SMAD2: variants seen among roughly 807,000 people sequenced by gnomAD.
SMAD2 encodes SMAD family member 2.
SMAD2 carries 8 observed loss-of-function variants against 64.4 expected under a neutral mutation model. The ratio of observed to expected loss-of-function variants is 0.12; its 90% CI spans 0.07 to 0.22. The LOEUF is 0.22. Among genes scored for constraint, SMAD2 ranks in the 10% least tolerant of loss-of-function variants. The probability of loss-of-function intolerance (pLI) is 1.00; values close to 1 mark genes in which losing one functional copy is unlikely to be tolerated. For missense variants in SMAD2, 289 were observed against 561.2 expected, an observed-to-expected ratio of 0.51 and a Z score of 4.90; for synonymous variants, 203 against 195.8, an observed-to-expected ratio of 1.04 and a Z score of -0.31.
rs764594290 is a variant in SMAD2 at position 47,819,795 on chromosome 18, C to CAAAAAAAAAA, written c.*22022_*22031dup. On this transcript the variant is annotated 3_prime_UTR_variant, in exon 11 of 11. Transcript: ENST00000262160. Reference sequence around the variant, plus strand: ...TGGGTGACAGAGCGAGACTCCGTCTCAAAAAAAAAAAAAAAAAAAAGAATT... The same window carrying CAAAAAAAAAA: ...TGGGTGACAGAGCGAGACTCCGTCTCAAAAAAAAAAAAAAAAAAAAAAAAAAAAAAGAATT... The CAAAAAAAAAA allele has an allele frequency of 1.0e-5, 1 of 97,162 alleles. No individual in the cohort carries two copies. The highest frequency in any genetic ancestry group is 3.8e-4 in the South Asian group (1 of 2,614). 6.0% of individuals were successfully genotyped at this position (97,162 alleles called of 1,614,324 possible).
intron 2 of SMAD2, among the ~76,000 whole-genome samples, chr18:47,871,841 T>C (rs79809924): frequency 0.015 from 2,261 of 151,678 alleles, 52 homozygotes; most frequent in African/African-American, 0.052. Context: ...TAGCATGATG[T>C]AGTTTAAATC....
chr18:47,847,070 TA>T (rs970364581), intron 8 of SMAD2, among the ~76,000 whole-genome samples: 15 of 152,002 alleles, frequency 9.9e-5, no homozygotes, highest in African/African-American at 1.9e-4. Context: ...ATAAAAAATT[TA>T]AAAAAATCCA....
chr18:47,902,195 A>G (rs1487402513), intron 1 of SMAD2, among the ~76,000 whole-genome samples: 1 of 152,130 alleles, frequency 6.6e-6, no homozygotes, highest in Non-Finnish European at 1.5e-5. Flanking sequence ...CCCAGGAAAA[A>G]CAATGATCAG....
intron 1 of SMAD2, chr18:47,923,723 C>G (rs913705235): frequency 2.6e-5 from 4 of 152,124 alleles, no homozygotes; most frequent in Admixed American, 1.3e-4. Flanking sequence ...AGCTTTACTC[C>G]TTTTATCTGT....
rs934425040 is a variant in SMAD2, at chr18:47,823,109, A to G, written c.*18718T>C. 2 of 152,212 alleles carry G rather than the reference A, an allele frequency of 1.3e-5. No individual in the cohort carries two copies. The highest frequency in any genetic ancestry group is 2.9e-5 in the Non-Finnish European group (2 of 68,042). The allele number at this position is 152,212 out of a possible 1,614,324, so 9.4% of individuals were successfully genotyped here. On this transcript the variant is annotated 3_prime_UTR_variant, in exon 11 of 11. Coordinates refer to ENST00000262160, the MANE Select transcript of SMAD2 (RefSeq NM_005901.6). ...TTACCAAGGCTTTGATTAAAATGTC[A>G]TATTTGAGAATGTGTAGAATGCCTG...
At chr18:47,859,839 TAAA>T (rs753450752) in intron 6 of SMAD2, among the ~76,000 whole-genome samples, 2 of 152,140 alleles carry the variant, frequency 1.3e-5, no homozygotes, top group Non-Finnish European at 2.9e-5. Context: ...AATAAAAAAT[TAAA>T]AAGTCAAATT....
At chr18:47,868,193 AAT>A in intron 5 of SMAD2, 128 bp downstream of exon 5, 1 of 790,902 alleles carries the variant, frequency 1.3e-6, no homozygotes, top group South Asian at 1.4e-5. Flanking sequence ...TCACCCAACG[AAT>A]CCAATTTTTC....
At chr18:47,917,959 C>G (rs78771987) in intron 1 of SMAD2, among the ~76,000 whole-genome samples, 2,251 of 152,226 alleles carry the variant, frequency 0.015, 58 homozygotes, top group African/African-American at 0.052. Context: ...AGTAATTGAA[C>G]AGATCAGAAA....
chr18:47,902,281 A>G (rs1193323457), intron 1 of SMAD2, among the ~76,000 whole-genome samples: 1 of 152,022 alleles, frequency 6.6e-6, no homozygotes, highest in Non-Finnish European at 1.5e-5. Context: ...TCATTTTTAC[A>G]CCCATTGTTC....
rs114830160 is a variant in SMAD2 at position 47,868,230 on chromosome 18, A to T, written c.655+93T>A. On this transcript the variant is annotated intron_variant, in intron 5 of 10. Transcript: ENST00000262160. ...CTATTAAAAACTCAAAAGCATTTTT[A>T]AAAAAGTGAAACCACAATTTACTAA... The T allele has an allele frequency of 8.0e-3, 8,923 of 1,115,300 alleles. 491 individuals are homozygous for T. In the African/African-American group the frequency reaches 0.12, roughly 15 times the overall value. The allele number at this position is 1,115,300 out of a possible 1,614,324, so 69.1% of individuals were successfully genotyped here.
At chr18:47,873,526 GATTCTGAAGCAC>G (rs2032072028) in intron 2 of SMAD2, among the ~76,000 whole-genome samples, 1 of 152,148 alleles carries the variant, frequency 6.6e-6, no homozygotes. Flanking sequence ...TGTCCTACCA[GATTCTGAAGCAC>G]ATAATAAATT....
At position 47,827,326 on chromosome 18, in the gene SMAD2, T is replaced by C. The variant is rs1568016106; in HGVS notation, c.*14501A>G. On this transcript the variant is annotated 3_prime_UTR_variant, in exon 11 of 11. Transcript: ENST00000262160. ...ACTAAAGAGACTAAAATCATGTAAA[T>C]CATCCATTTCCCAGTTGAATCTTAA... 2 of 152,164 alleles carry C rather than the reference T, an allele frequency of 1.3e-5. No homozygotes were observed. The highest frequency in any genetic ancestry group is 4.8e-5 in the African/African-American group (2 of 41,420). The allele number at this position is 152,164 out of a possible 1,614,324, so 9.4% of individuals were successfully genotyped here. A position where few individuals can be genotyped will look rare whatever the true frequency, so the allele number is the denominator to read the frequency against.
At chr18:47,859,173 C>A (rs1036703183) in intron 6 of SMAD2, among the ~76,000 whole-genome samples, 1 of 151,962 alleles carries the variant, frequency 6.6e-6, no homozygotes, top group African/African-American at 2.4e-5. Context: ...CATCTAATAA[C>A]AGAGGTTAAA....
At chr18:47,929,369 G>T (rs1171065949) in intron 1 of SMAD2, among the ~76,000 whole-genome samples, 1 of 152,182 alleles carries the variant, frequency 6.6e-6, no homozygotes, top group East Asian at 1.9e-4. Context: ...CAATTCATAT[G>T]AAGTCAGAAG....
chr18:47,878,416 T>C (rs1272333883), intron 2 of SMAD2: 1 of 152,084 alleles, frequency 6.6e-6, no homozygotes, highest in Non-Finnish European at 1.5e-5. Flanking sequence ...CTATACGTTC[T>C]TAAGAATCAA....
At chr18:47,922,820 C>G (rs921255425) in intron 1 of SMAD2, among the ~76,000 whole-genome samples, 1 of 152,198 alleles carries the variant, frequency 6.6e-6, no homozygotes, top group African/African-American at 2.4e-5. Flanking sequence ...CTCACTACAA[C>G]TATGTTCTCT....
At position 47,826,886 on chromosome 18, in the gene SMAD2, T is replaced by G. The variant is rs889885286; in HGVS notation, c.*14941A>C. 7 of 152,224 alleles carry G rather than the reference T, an allele frequency of 4.6e-5. No homozygotes were observed. Among genetic ancestry groups the G allele is most frequent in the African/African-American group, 1.7e-4 (7 of 41,450 alleles). 9.4% of individuals were successfully genotyped at this position (152,224 alleles called of 1,614,324 possible). A position where few individuals can be genotyped will look rare whatever the true frequency, so the allele number is the denominator to read the frequency against. On this transcript the variant is annotated 3_prime_UTR_variant, in exon 11 of 11. Transcript: ENST00000262160. ...AGTACCCACTTCAGGCTGAATGATC[T>G]CTCAAGTGCTCTCATTTAGTTCTCA...
chr18:47,880,557 C>G (rs950007746), intron 2 of SMAD2, among the ~76,000 whole-genome samples: 6 of 152,212 alleles, frequency 3.9e-5, no homozygotes, highest in African/African-American at 1.4e-4. Context: ...AGTACTCTAA[C>G]TTATTACTGA....
chr18:47,864,917 T>A, intron 6 of SMAD2, 142 bp downstream of exon 6: 1 of 656,274 alleles, frequency 1.5e-6, no homozygotes, highest in East Asian at 2.7e-5. Flanking sequence ...AGTTCAGATA[T>A]GTTAAATCAA....
Sources: gnomAD v4.1 joint callset for allele counts (sites outside exome capture counted in the v4.1 genomes callset) on GRCh38, gnomAD v4.1.1 for gene constraint, MANE v1.5 for transcripts, NCBI Gene and HGNC (gene_info 2026-07-23, HGNC 2026-07-21) for gene names.